The following LHFPL3 variants were observed in gnomAD, a reference collection of about 807,000 sequenced individuals.
The protein encoded by LHFPL3 is LHFPL tetraspan subfamily member 3 protein.
In LHFPL3, 5 loss-of-function variants were observed where a neutral mutation model predicts 19.3. The ratio of observed to expected loss-of-function variants is 0.26; its 90% CI spans 0.14 to 0.54. The LOEUF (loss-of-function observed/expected upper bound fraction) is 0.54, where lower values mean the gene tolerates loss of function less well. Ranked by LOEUF, LHFPL3 falls within the 20% of genes least tolerant of loss-of-function variation. The probability of loss-of-function intolerance (pLI) is 0.94; values close to 1 mark genes in which losing one functional copy is unlikely to be tolerated. For synonymous variants in LHFPL3, 133 were observed against 126.2 expected (o/e 1.05, Z -0.36); for missense variants, 249 against 307.4 (o/e 0.81, Z 1.42).
intron 1 of LHFPL3, among the ~76,000 whole-genome samples, chr7:104,472,647 T>C (rs1270969567): frequency 6.6e-6 from 1 of 152,222 alleles, no homozygotes; most frequent in African/African-American, 2.4e-5. Context: ...ATACCCATTA[T>C]TATGTAACTC....
intron 2 of LHFPL3, among the ~76,000 whole-genome samples, chr7:104,737,733 TCTTTAA>T (rs1408211840): frequency 6.6e-6 from 1 of 152,218 alleles, no homozygotes; most frequent in Non-Finnish European, 1.5e-5. Context: ...CTTTATGTTA[TCTTTAA>T]CTTTAAAACT....
At chr7:104,612,653 C>T (rs1400080254) in intron 1 of LHFPL3, among the ~76,000 whole-genome samples, 2 of 152,172 alleles carry the variant, frequency 1.3e-5, no homozygotes, top group Admixed American at 6.6e-5. Flanking sequence ...TCAAGGAAAG[C>T]TCTGAAGACA....
chr7:104,650,968 A>G (rs1792022555), intron 1 of LHFPL3, among the ~76,000 whole-genome samples: 1 of 152,208 alleles, frequency 6.6e-6, no homozygotes, highest in Non-Finnish European at 1.5e-5. Context: ...GTCTATCTGC[A>G]TCTCAAAGGA....
chr7:104,549,529 T>C (rs1292152697), intron 1 of LHFPL3, among the ~76,000 whole-genome samples: 4 of 151,628 alleles, frequency 2.6e-5, no homozygotes, highest in South Asian at 2.1e-4. Flanking sequence ...ATGCACTTCC[T>C]CTACCCAAAT....
chr7:104,616,391 G>A (rs1053498807), intron 1 of LHFPL3, among the ~76,000 whole-genome samples: 1 of 152,142 alleles, frequency 6.6e-6, no homozygotes, highest in African/African-American at 2.4e-5. Context: ...ATGGGGAAAG[G>A]ATTCCCTATT....
chr7:104,470,699 A>G (rs1265218636), intron 1 of LHFPL3, among the ~76,000 whole-genome samples: 7 of 152,186 alleles, frequency 4.6e-5, no homozygotes, highest in Non-Finnish European at 7.3e-5. Flanking sequence ...TAAGGGCCCA[A>G]TAGAAATCTG....
intron 1 of LHFPL3, among the ~76,000 whole-genome samples, chr7:104,490,257 C>T (rs1793316421): frequency 1.3e-5 from 2 of 152,118 alleles, no homozygotes; most frequent in Admixed American, 6.5e-5. Flanking sequence ...AAATGACCTC[C>T]AAACAAGTGA....
intron 1 of LHFPL3, among the ~76,000 whole-genome samples, chr7:104,610,158 A>G (rs558135080): frequency 6.6e-6 from 1 of 152,284 alleles, no homozygotes; most frequent in South Asian, 2.1e-4. Context: ...AAAACTTTGG[A>G]GTAAATGTTG....
chr7:104,903,017 C>T (rs190088431), intron 2 of LHFPL3, among the ~76,000 whole-genome samples: 1 of 152,166 alleles, frequency 6.6e-6, no homozygotes, highest in East Asian at 1.9e-4. Flanking sequence ...GAGGATCTTC[C>T]CAGGGAGACA....
rs906220476 is a variant in LHFPL3 at position 104,561,348 on chromosome 7, T to C, written c.446-175327T>C. 8.7e-5 allele frequency among the ~76,000 whole-genome samples: 13 copies of C among 150,204 alleles called. 1 individual carries two copies. The highest frequency in any genetic ancestry group is 3.3e-4 in the African/African-American group (13 of 39,826). On this transcript the variant is annotated intron_variant, in intron 1 of 2. Coordinates refer to ENST00000424859, the MANE Select transcript of LHFPL3 (RefSeq NM_199000.3). ...CTTTGTAGGTCACTCAGGACTTGCT[T>C]TATGAATCTTGGTGCTCCTGTATTG... is the stretch of plus-strand genomic sequence containing the variant.
chr7:104,540,471 C>T (rs1037475700), intron 1 of LHFPL3, among the ~76,000 whole-genome samples: 4 of 152,106 alleles, frequency 2.6e-5, no homozygotes, highest in African/African-American at 7.2e-5. Flanking sequence ...CAGTCCCCCA[C>T]AACAAAGAAT....
chr7:104,676,578 G>T (rs1792596502), intron 1 of LHFPL3, among the ~76,000 whole-genome samples: 1 of 152,180 alleles, frequency 6.6e-6, no homozygotes. Flanking sequence ...GGCATACCTG[G>T]TCTTTTTCAG....
intron 1 of LHFPL3, among the ~76,000 whole-genome samples, chr7:104,686,980 C>A (rs1333482974): frequency 6.6e-6 from 1 of 152,162 alleles, no homozygotes; most frequent in Non-Finnish European, 1.5e-5. Context: ...CAGCATGGGG[C>A]AACTGCCCCC....
chr7:104,524,213 C>T (rs575202398), intron 1 of LHFPL3, among the ~76,000 whole-genome samples: 8 of 152,142 alleles, frequency 5.3e-5, no homozygotes, highest in Admixed American at 1.3e-4. Flanking sequence ...CAGGCCAAGA[C>T]GCAGGATTGA....
intron 1 of LHFPL3, among the ~76,000 whole-genome samples, chr7:104,706,037 C>A (rs985585636): frequency 2.6e-5 from 4 of 152,194 alleles, no homozygotes; most frequent in African/African-American, 9.7e-5. Flanking sequence ...GCTCTGCCAG[C>A]AGCATCATTT....
chr7:104,804,343 C>A (rs747066112), intron 2 of LHFPL3, among the ~76,000 whole-genome samples: 3 of 152,118 alleles, frequency 2.0e-5, no homozygotes, highest in Non-Finnish European at 4.4e-5. Context: ...GGTATAATTA[C>A]CAGAAGGAGG....
Position 104,817,166 on chromosome 7 carries a change from C to T in LHFPL3, c.682+80255C>T, listed in dbSNP as rs535358311. On this transcript the variant is annotated intron_variant, in intron 2 of 2. Transcript: ENST00000424859. ...TATTGCTATTTATCTTTGCTCAGCG[C>T]GGGCTACGTTGCCAGTCTTCGTTAT... 3.9e-5 allele frequency among the ~76,000 whole-genome samples: 6 copies of T among 152,310 alleles called. No homozygotes were observed. The South Asian group carries it at 1.0e-3, about 26-fold the overall frequency.
At chr7:104,535,129 G>A (rs535223150) in intron 1 of LHFPL3, among the ~76,000 whole-genome samples, 67 of 152,176 alleles carry the variant, frequency 4.4e-4, no homozygotes, top group African/African-American at 1.4e-3. Flanking sequence ...AGATGTTTTA[G>A]GTATACATAT....
At chr7:104,700,542 T>C (rs1793084169) in intron 1 of LHFPL3, among the ~76,000 whole-genome samples, 1 of 152,218 alleles carries the variant, frequency 6.6e-6, no homozygotes, top group South Asian at 2.1e-4. Context: ...TGTATTCTGT[T>C]TATTTGTTGA....
Sources: allele counts gnomAD v4.1 joint callset (sites outside exome capture counted in the v4.1 genomes callset), GRCh38; gene constraint gnomAD v4.1.1; transcripts MANE v1.5; gene names NCBI Gene and HGNC (gene_info 2026-07-23, HGNC 2026-07-21).